The following UST variants were observed in gnomAD, a reference collection of about 807,000 sequenced individuals.
UST encodes the protein uronyl 2-sulfotransferase, also known as chondroitin sulfate 2-O-sulfotransferase.
Under a neutral mutation model 45.6 loss-of-function variants are expected in UST, and 21 were observed. The observed-to-expected ratio is 0.46, with a 90% CI of 0.33 to 0.66. The LOEUF (loss-of-function observed/expected upper bound fraction) is 0.66. UST is among the 30% of genes least tolerant of loss of function. UST has a pLI of 0.02. For missense variants in UST, 463 were observed against 512.4 expected (o/e 0.90, Z 0.93); for synonymous variants, 215 against 200.6 (o/e 1.07, Z -0.61).
At chr6:148,966,319 A>G (rs1323318588) in intron 5 of UST, among the ~76,000 whole-genome samples, 2 of 152,174 alleles carry the variant, frequency 1.3e-5, no homozygotes, top group Non-Finnish European at 2.9e-5. Context: ...TATTCAGAGT[A>G]TAGAAACACT....
At chr6:149,007,156 G>C (rs1216960287) in intron 5 of UST, among the ~76,000 whole-genome samples, 2 of 107,476 alleles carry the variant, frequency 1.9e-5, no homozygotes, top group Non-Finnish European at 3.4e-5. Context: ...GTCTCACTCT[G>C]TTGCCCAGGC....
In UST at chr6:148,887,880, C is replaced by T. The variant is rs183931034; in HGVS notation, c.291+851C>T. On this transcript the variant is annotated intron_variant, in intron 2 of 7. Transcript: ENST00000367463. ...TAAAGTGTAGATACAAGCACTCTAG[C>T]TCTCCCTGTACTTGGTTGTTTTCTT... is the stretch of plus-strand genomic sequence containing the variant. Among the ~76,000 whole-genome samples the T allele has an allele frequency of 5.9e-5, 9 of 152,242 alleles. No individual in the cohort carries two copies. In the East Asian group the frequency reaches 1.5e-3, roughly 26 times the overall value.
At chr6:148,857,448 ACAGT>A (rs771057666) in intron 1 of UST, among the ~76,000 whole-genome samples, 3 of 152,192 alleles carry the variant, frequency 2.0e-5, no homozygotes, top group Non-Finnish European at 2.9e-5. Flanking sequence ...CCGTGAATGC[ACAGT>A]CAATTAACAC....
At chr6:148,831,073 G>A (rs1052047849) in intron 1 of UST, among the ~76,000 whole-genome samples, 5 of 148,942 alleles carry the variant, frequency 3.4e-5, no homozygotes, top group Non-Finnish European at 6.0e-5. Flanking sequence ...GAAAAGGGGG[G>A]GGTGGGAAGA....
chr6:149,053,287 A>G (rs1054193239), intron 7 of UST, among the ~76,000 whole-genome samples: 1 of 152,198 alleles, frequency 6.6e-6, no homozygotes, highest in Non-Finnish European at 1.5e-5. Flanking sequence ...AACTACTGAA[A>G]TCAATTTAAT....
chr6:149,018,575 A>G (rs1775938713), intron 5 of UST, among the ~76,000 whole-genome samples: 1 of 152,196 alleles, frequency 6.6e-6, no homozygotes, highest in Admixed American at 6.5e-5. Context: ...GAAAACCTGG[A>G]CGTCACAACT....
intron 1 of UST, among the ~76,000 whole-genome samples, chr6:148,797,640 G>A (rs116190231): frequency 1.4e-4 from 22 of 152,292 alleles, no homozygotes; most frequent in South Asian, 4.1e-4. Context: ...TGTATCCTTC[G>A]AATGTTGTGG....
At chr6:148,802,379 C>G (rs867855760) in intron 1 of UST, among the ~76,000 whole-genome samples, 1 of 152,112 alleles carries the variant, frequency 6.6e-6, no homozygotes, top group Non-Finnish European at 1.5e-5. Context: ...TTGAAATTAT[C>G]TTTTTGTCAT....
At chr6:148,911,714 A>G (rs964079174) in intron 2 of UST, among the ~76,000 whole-genome samples, 3 of 120,298 alleles carry the variant, frequency 2.5e-5, no homozygotes, top group African/African-American at 8.0e-5. Flanking sequence ...AATTATCAGA[A>G]AAAAAAAAAT....
intron 2 of UST, among the ~76,000 whole-genome samples, chr6:148,915,969 T>TTTGCCCAA (rs1270465103): frequency 6.9e-6 from 1 of 143,974 alleles, no homozygotes; most frequent in African/African-American, 2.4e-5. Flanking sequence ...TAAAGAAACA[T>TTTGCCCAA]GAAACAAATA....
At chr6:148,871,739 T>A (rs528660754) in intron 1 of UST, among the ~76,000 whole-genome samples, 1 of 152,178 alleles carries the variant, frequency 6.6e-6, no homozygotes, top group Admixed American at 6.5e-5. Context: ...TGAGGATATA[T>A]GTGTGTCCTT....
intron 7 of UST, among the ~76,000 whole-genome samples, chr6:149,027,385 G>T (rs932453210): frequency 6.6e-6 from 1 of 152,206 alleles, no homozygotes; most frequent in Non-Finnish European, 1.5e-5. Context: ...TTCTTTGTCT[G>T]CCATGGGTCT....
intron 3 of UST, among the ~76,000 whole-genome samples, chr6:148,950,041 G>C (rs1780334896): frequency 6.6e-6 from 1 of 152,150 alleles, no homozygotes; most frequent in African/African-American, 2.4e-5. Flanking sequence ...CACTTGCCCT[G>C]CCTCCCTTCC....
At chr6:148,878,297 T>G (rs1370396827) in intron 1 of UST, among the ~76,000 whole-genome samples, 5 of 18,430 alleles carry the variant, frequency 2.7e-4, no homozygotes, top group East Asian at 1.9e-3. Context: ...CATGTATGAG[T>G]GGGGGGGGTC....
intron 3 of UST, among the ~76,000 whole-genome samples, chr6:148,944,540 C>T (rs1486722031): frequency 6.6e-6 from 1 of 151,064 alleles, no homozygotes; most frequent in East Asian, 2.0e-4. Context: ...CACACACACA[C>T]ACACACAGAG....
chr6:149,032,046 C>T (rs1030630952), intron 7 of UST, among the ~76,000 whole-genome samples: 2 of 152,202 alleles, frequency 1.3e-5, no homozygotes, highest in African/African-American at 4.8e-5. Context: ...GCCTGCGGAC[C>T]CAGCCTCTTG....
intron 1 of UST, among the ~76,000 whole-genome samples, chr6:148,781,311 G>A (rs1002878677): frequency 1.6e-4 from 25 of 152,144 alleles, no homozygotes; most frequent in Admixed American, 1.6e-3. Flanking sequence ...TACTGATACC[G>A]AGAAAGTTTG....
intron 3 of UST, among the ~76,000 whole-genome samples, chr6:148,944,762 T>C (rs766069790): frequency 1.3e-5 from 2 of 152,246 alleles, no homozygotes; most frequent in Non-Finnish European, 2.9e-5. Context: ...TGTTGGACTT[T>C]CGCACAGCTC....
At chr6:148,985,541 A>T (rs1781223403) in intron 5 of UST, among the ~76,000 whole-genome samples, 2 of 152,196 alleles carry the variant, frequency 1.3e-5, no homozygotes, top group African/African-American at 4.8e-5. Context: ...TGAGAATAGA[A>T]AACGTAACCA....
Sources: gnomAD v4.1 joint callset for allele counts (sites outside exome capture counted in the v4.1 genomes callset) on GRCh38, gnomAD v4.1.1 for gene constraint, MANE v1.5 for transcripts, NCBI Gene and HGNC (gene_info 2026-07-23, HGNC 2026-07-21) for gene names.